NR2F2: variants seen among roughly 807,000 people sequenced by gnomAD.
The protein encoded by NR2F2 is COUP transcription factor 2.
A neutral mutation model predicts 34.8 loss-of-function variants in NR2F2; 2 were observed. The ratio of observed to expected loss-of-function variants is 0.06; its 90% confidence interval spans 0.02 to 0.18. The LOEUF (loss-of-function observed/expected upper bound fraction) is 0.18. Ranked by LOEUF, NR2F2 falls within the 10% of genes least tolerant of loss-of-function variation. The pLI is 1.00. For missense variants in NR2F2, 300 were observed against 580.1 expected, an observed-to-expected ratio of 0.52 and a Z score of 4.96; for synonymous variants, 274 against 251.8, an observed-to-expected ratio of 1.09 and a Z score of -0.84.
intron 1 of NR2F2, 122 bp downstream of exon 1, chr15:96,332,669 AG>A: frequency 6.8e-7 from 1 of 1,460,298 alleles, no homozygotes; most frequent in South Asian, 1.5e-5. Context: ...GCAGCGGAAA[AG>A]GGTTTTATAC....
chr15:96,333,501 C>G (rs1444706540), intron 1 of NR2F2: 1 of 1,002,692 alleles, frequency 1.0e-6, no homozygotes, highest in South Asian at 4.6e-5. Flanking sequence ...CCCTCCGTCT[C>G]TTTCTCCGAG....
chr15:96,333,344 C>A (rs1462344205), intron 1 of NR2F2: 5 of 1,001,854 alleles, frequency 5.0e-6, no homozygotes, highest in Non-Finnish European at 6.0e-6. Context: ...TCTCCCGGTC[C>A]GGAGTCAGAT....
chr15:96,333,619 C>A (rs1899224440), intron 1 of NR2F2: 2 of 1,029,442 alleles, frequency 1.9e-6, no homozygotes, highest in Non-Finnish European at 1.2e-6. Context: ...AGAGTCGTTC[C>A]GGAGTGGCCA....
At chr15:96,328,833 C>T (rs1021495029), upstream of NR2F2, among the ~76,000 whole-genome samples, 1 of 149,276 alleles carries the variant, frequency 6.7e-6, no homozygotes, top group African/African-American at 2.5e-5. Flanking sequence ...TACGTGATTT[C>T]ATCGGAGAAA....
In NR2F2 at chr15:96,331,106, A is replaced by G. The variant is rs1020771116; in HGVS notation, c.-1000A>G. On this transcript the variant is annotated 5_prime_UTR_variant, in exon 1 of 3. Coordinates refer to ENST00000394166, the MANE Select transcript of NR2F2 (RefSeq NM_021005.4). ...CGGCAGCAGCGGCAGCAGCGACTTCAGCGGCGGCGGCGGCGCTAGACGCAG... is the reference window on the plus strand; with the variant it reads ...CGGCAGCAGCGGCAGCAGCGACTTCGGCGGCGGCGGCGGCGCTAGACGCAG... 123 of 1,203,064 alleles carry G rather than the reference A, an allele frequency of 1.0e-4. No homozygotes were observed. The highest frequency in any genetic ancestry group is 1.8e-4 in the Admixed American group (4 of 22,550). 74.5% of individuals were successfully genotyped at this position (1,203,064 alleles called of 1,614,324 possible). A position where few individuals can be genotyped will look rare whatever the true frequency, so the allele number is the denominator to read the frequency against.
chr15:96,336,369 A>T (rs539257565), intron 2 of NR2F2, among the ~76,000 whole-genome samples: 23 of 152,332 alleles, frequency 1.5e-4, no homozygotes, highest in Admixed American at 1.2e-3. Flanking sequence ...TACATTCTGT[A>T]GACATGCAGA....
chr15:96,337,247 T>A (rs1168350313), intron 2 of NR2F2, 101 bp from the exon 3 acceptor site: 8 of 1,390,478 alleles, frequency 5.8e-6, no homozygotes, highest in Non-Finnish European at 6.9e-6. Context: ...ACACCTCATG[T>A]GACCCAATTC....
chr15:96,337,493 C>A lies in NR2F2; in HGVS notation c.1116C>A (p.Thr372=). The A allele has an allele frequency of 6.2e-7, 1 of 1,614,106 alleles. No individual in the cohort carries two copies. The highest frequency in any genetic ancestry group is 1.3e-5 in the African/African-American group (1 of 75,004). Residue 372 remains threonine (T), a synonymous_variant, in exon 3 of 3, where the codon ACC becomes ACA. Coordinates refer to ENST00000394166, the MANE Select transcript of NR2F2 (RefSeq NM_021005.4). Reference sequence around the variant, plus strand: ...TGCTTCGCCTCCCTTCCCTCCGCACCGTCTCCTCCTCAGTCATAGAGCAAT... The same window carrying A: ...TGCTTCGCCTCCCTTCCCTCCGCACAGTCTCCTCCTCAGTCATAGAGCAAT... ...KLLLRLPSLR[T]VSSSVIEQLF...
intron 1 of NR2F2, 109 bp downstream of exon 1, chr15:96,332,656 A>T: frequency 6.8e-7 from 1 of 1,475,784 alleles, no homozygotes. Flanking sequence ...TTCTCTTCGT[A>T]TTGCAGCGGA....
chr15:96,339,203 A>G lies in NR2F2; in HGVS notation c.*1581A>G, dbSNP rs1482903914. On this transcript the variant is annotated 3_prime_UTR_variant, in exon 3 of 3. Transcript: ENST00000394166. ...GATCAGTATCTATTTTATGATCAGA[A>G]AAAAATACTCTTTTGTACATTTCTG... 2.0e-5 allele frequency: 3 copies of G among 152,200 alleles called. No homozygotes were observed. Among genetic ancestry groups the G allele is most frequent in the African/African-American group, 7.2e-5 (3 of 41,448 alleles). The allele number at this position is 152,200 out of a possible 1,614,324, so 9.4% of individuals were successfully genotyped here. A position where few individuals can be genotyped will look rare whatever the true frequency, so the allele number is the denominator to read the frequency against.
rs34353956 is a variant in NR2F2, at chr15:96,338,035, C to CAACA, written c.*413_*414insAACA. The CAACA allele has an allele frequency of 0.25, 39,477 of 155,648 alleles. 6,558 individuals carry two copies. The highest frequency in any genetic ancestry group is 0.37 in the Non-Finnish European group (26,278 of 70,132). The allele number at this position is 155,648 out of a possible 1,614,324, so 9.6% of individuals were successfully genotyped here. ...TTGTCCTGTGTCTATGTACCTCTAG[C>CAACA]TGTTCTTTTTTGTACTTTTCTGGTT... On this transcript the variant is annotated 3_prime_UTR_variant, in exon 3 of 3. Coordinates refer to ENST00000394166, the MANE Select transcript of NR2F2 (RefSeq NM_021005.4).
At position 96,334,144 on chromosome 15, in the gene NR2F2, C is replaced by T; in HGVS notation, c.511C>T (p.Pro171Ser). 6.2e-7 allele frequency: 1 copy of T among 1,613,968 alleles called. No individual in the cohort carries two copies. Among genetic ancestry groups the T allele is most frequent in the Non-Finnish European group, 8.5e-7 (1 of 1,180,044 alleles). Residue 171 changes from proline to serine, a missense_variant, in exon 2 of 3, where the codon CCC becomes TCC. Pro to Ser is a moderately conservative substitution (Grantham distance 74). Transcript: ENST00000394166. ...HGQFALTNGD[P>S]LNCHSYLSGY... ...GCAGTTCGCGCTGACCAACGGGGAT[C>T]CCCTCAACTGCCACTCGTACCTGTC...
chr15:96,331,049 G>GGCGGCAGCAGCA lies in NR2F2; in HGVS notation c.-1054_-1043dup. ...TCTTTCCCTATGTGTGTGAGGCGGC[G>GGCGGCAGCAGCA]GCGGCAGCAGCAGCAGCAGCGGCTC... On this transcript the variant is annotated 5_prime_UTR_variant, in exon 1 of 3. Coordinates refer to ENST00000394166, the MANE Select transcript of NR2F2 (RefSeq NM_021005.4). 1.6e-6 allele frequency: 2 copies of GGCGGCAGCAGCA among 1,242,632 alleles called. No individual in the cohort carries two copies. Among genetic ancestry groups the GGCGGCAGCAGCA allele is most frequent in the East Asian group, 3.1e-5 (1 of 32,038 alleles). 77.0% of individuals were successfully genotyped at this position (1,242,632 alleles called of 1,614,324 possible). A position where few individuals can be genotyped will look rare whatever the true frequency, so the allele number is the denominator to read the frequency against.
chr15:96,331,033 A>G lies in NR2F2; in HGVS notation c.-1073A>G. 4.9e-6 allele frequency: 6 copies of G among 1,214,990 alleles called. No individual in the cohort carries two copies. Among genetic ancestry groups the G allele is most frequent in the Non-Finnish European group, 6.1e-6 (6 of 980,288 alleles). The allele number at this position is 1,214,990 out of a possible 1,614,324, so 75.3% of individuals were successfully genotyped here. ...CCGCCGGCGAGTTGACTCTTTCCCTATGTGTGTGAGGCGGCGGCGGCAGCA... is the reference window on the plus strand; with the variant it reads ...CCGCCGGCGAGTTGACTCTTTCCCTGTGTGTGTGAGGCGGCGGCGGCAGCA... On this transcript the variant is annotated 5_prime_UTR_variant, in exon 1 of 3. An upstream start codon of the reference 5' UTR is lost. Coordinates refer to ENST00000394166, the MANE Select transcript of NR2F2 (RefSeq NM_021005.4).
chr15:96,334,721 G>A, intron 2 of NR2F2, 118 bp downstream of exon 2: 1 of 1,143,876 alleles, frequency 8.7e-7, no homozygotes, highest in Non-Finnish European at 1.2e-6. Context: ...AAACTGTTGA[G>A]TGCAACTTAA....
intron 2 of NR2F2, among the ~76,000 whole-genome samples, chr15:96,335,471 A>G (rs542448329): frequency 5.9e-5 from 9 of 152,210 alleles, no homozygotes; most frequent in Non-Finnish European, 1.2e-4. Flanking sequence ...ATTTTGGGCC[A>G]CACCTGAGCT....
chr15:96,330,983 T>C lies in NR2F2; in HGVS notation c.-1123T>C. 8.3e-7 allele frequency: 1 copy of C among 1,205,768 alleles called. No homozygotes were observed. Among genetic ancestry groups the C allele is most frequent in the Non-Finnish European group, 1.0e-6 (1 of 970,862 alleles). The allele number at this position is 1,205,768 out of a possible 1,614,324, so 74.7% of individuals were successfully genotyped here. A position where few individuals can be genotyped will look rare whatever the true frequency, so the allele number is the denominator to read the frequency against. ...TTCTAGGTGGTGATCTGCCCTCCTC[T>C]CTCTCTTTTATCATTTCTCCCCCGC... On this transcript the variant is annotated 5_prime_UTR_variant, in exon 1 of 3. Coordinates refer to ENST00000394166, the MANE Select transcript of NR2F2 (RefSeq NM_021005.4).
intron 1 of NR2F2, 80 bp from the exon 2 acceptor site, chr15:96,333,996 G>C: frequency 1.9e-6 from 3 of 1,545,588 alleles, no homozygotes; most frequent in South Asian, 2.5e-5. Context: ...GGTGGGGGTC[G>C]GGCTGGGGCA....
In NR2F2 at chr15:96,334,440, C is replaced by T. The variant is rs561184433; in HGVS notation, c.807C>T (p.Leu269=). Residue 269 remains leucine, a synonymous_variant, in exon 2 of 3, where the codon CTC becomes CTT. Coordinates refer to ENST00000394166, the MANE Select transcript of NR2F2 (RefSeq NM_021005.4). ...QCSMPLHVAP[L]LAAAGLHASP... is the part of the protein sequence containing the mutation. The stretch of plus-strand genomic sequence containing the variant: ...CCATGCCCCTCCACGTCGCCCCGCT[C>T]CTGGCCGCCGCCGGCCTGCATGCTT... The T allele has an allele frequency of 6.2e-7, 1 of 1,613,876 alleles. No individual in the cohort carries two copies. Among genetic ancestry groups the T allele is most frequent in the African/African-American group, 1.3e-5 (1 of 75,060 alleles).
Sources: allele counts gnomAD v4.1 joint callset (sites outside exome capture counted in the v4.1 genomes callset), GRCh38; gene constraint gnomAD v4.1.1; transcripts MANE v1.5; gene names NCBI Gene and HGNC (gene_info 2026-07-23, HGNC 2026-07-21).